Variants in WDR27 observed in about 807,000 individuals in gnomAD.
The protein encoded by WDR27 is WD repeat domain 27, also known as WD repeat-containing protein 27.
Under a neutral mutation model 114.4 loss-of-function variants are expected in WDR27, and 100 were observed. That is an observed-to-expected ratio of 0.87 (90% confidence interval 0.74 to 1.03). The LOEUF (loss-of-function observed/expected upper bound fraction) is 1.03. Ranked by LOEUF, WDR27 falls within the 50% of genes least tolerant of loss-of-function variation. The pLI, the probability that WDR27 is intolerant of heterozygous loss-of-function variation, is 0.00. For missense variants in WDR27, 1,129 were observed against 1,092.9 expected (o/e 1.03, Z -0.47); for synonymous variants, 449 against 423.1 (o/e 1.06, Z -0.75).
At position 169,701,778 on chromosome 6, in the gene WDR27, C is replaced by T. The variant is rs1788144685; in HGVS notation, c.-235G>A. On this transcript the variant is annotated 5_prime_UTR_variant, in exon 1 of 26. Transcript: ENST00000448612. ...GGTCACGGCGGAACCCTCAAATCGC[C>T]CCCTTTCCTAGAGACCTCAGCGGAG... 3.7e-6 allele frequency: 1 copy of T among 269,192 alleles called. No homozygotes were observed. The highest frequency in any genetic ancestry group is 3.2e-5 in the South Asian group (1 of 30,926). The allele number at this position is 269,192 out of a possible 1,614,324, so 16.7% of individuals were successfully genotyped here.
intron 2 of WDR27, among the ~76,000 whole-genome samples, chr6:169,674,602 T>G (rs1779603563): frequency 6.6e-6 from 1 of 152,212 alleles, no homozygotes; most frequent in Admixed American, 6.5e-5. Context: ...TCACGTGACC[T>G]GACATACATG....
At chr6:169,632,104 C>T (rs1400750059) in intron 21 of WDR27, among the ~76,000 whole-genome samples, 1 of 150,504 alleles carries the variant, frequency 6.6e-6, no homozygotes, top group East Asian at 2.0e-4. Flanking sequence ...AGGAGAATCG[C>T]TTGAACCCAG....
At chr6:169,531,656 T>A (rs951118579) in intron 25 of WDR27, among the ~76,000 whole-genome samples, 1 of 3,488 alleles carries the variant, frequency 2.9e-4, no homozygotes, top group African/African-American at 4.0e-3. Context: ...AAACAGTTTG[T>A]TTTTTTTTTT....
the WDR27 span, among the ~76,000 whole-genome samples, chr6:169,438,232 TTTTC>T: frequency 1.8e-5 from 2 of 112,246 alleles, no homozygotes; most frequent in East Asian, 3.1e-4. Context: ...TACTTTTACT[TTTTC>T]TTTTTTTTTT....
At chr6:169,648,175 TCTCA>T (rs749818233) in intron 15 of WDR27, among the ~76,000 whole-genome samples, 11 of 152,186 alleles carry the variant, frequency 7.2e-5, no homozygotes, top group Non-Finnish European at 1.2e-4. Flanking sequence ...GGGTGAGGGT[TCTCA>T]CTAAGAGAAA....
chr6:169,630,843 G>A (rs145019860), intron 21 of WDR27, among the ~76,000 whole-genome samples: 48 of 152,284 alleles, frequency 3.2e-4, no homozygotes, highest in African/African-American at 9.6e-4. Context: ...GCAGTGAGCC[G>A]AGATCATGGC....
At chr6:169,648,018 T>C (rs373580903) in intron 15 of WDR27, 148 bp from the exon 16 acceptor site, 1 of 581,002 alleles carries the variant, frequency 1.7e-6, no homozygotes, top group African/African-American at 1.9e-5. Flanking sequence ...TATGTCTATA[T>C]TTAGACTCTT....
At chr6:169,595,754 T>C (rs1806652351) in intron 23 of WDR27, among the ~76,000 whole-genome samples, 1 of 150,494 alleles carries the variant, frequency 6.6e-6, no homozygotes, top group Non-Finnish European at 1.5e-5. Context: ...TTGCTGAAAC[T>C]TCTTCAATCT....
chr6:169,473,953 G>A (rs1037559502), intron 25 of WDR27, among the ~76,000 whole-genome samples: 1 of 152,254 alleles, frequency 6.6e-6, no homozygotes, highest in African/African-American at 2.4e-5. Context: ...CCCAACTGGG[G>A]CCAGGTGTCA....
rs144025609 is a variant in WDR27, at chr6:169,674,973, G to A, written c.190-2577C>T. Among the ~76,000 whole-genome samples, 7 of 152,316 alleles carry A rather than the reference G, an allele frequency of 4.6e-5. No individual in the cohort carries two copies. The East Asian group carries it at 1.2e-3, about 25-fold the overall frequency. On this transcript the variant is annotated intron_variant, in intron 2 of 25. Transcript: ENST00000448612. ...GCTTTTGAGCCAGGATGAGCCAGGAGAAGGAATTTCACAAGACAATGTCAT... is the reference window on the plus strand; with the variant it reads ...GCTTTTGAGCCAGGATGAGCCAGGAAAAGGAATTTCACAAGACAATGTCAT...
intron 23 of WDR27, among the ~76,000 whole-genome samples, chr6:169,585,975 G>A (rs995210594): frequency 6.6e-6 from 1 of 152,036 alleles, no homozygotes. Context: ...ATTTGCTTTC[G>A]TTTCAGTGCC....
intron 21 of WDR27, among the ~76,000 whole-genome samples, chr6:169,615,596 C>A (rs1445605584): frequency 6.6e-6 from 1 of 152,204 alleles, no homozygotes. Flanking sequence ...AAGGTTGAAA[C>A]TGGACCCCTT....
chr6:169,596,485 TTA>T (rs1423111492), intron 23 of WDR27, among the ~76,000 whole-genome samples: 36 of 152,130 alleles, frequency 2.4e-4, no homozygotes, highest in African/African-American at 7.7e-4. Context: ...TTCTGATGTT[TTA>T]TGTGTTTTCT....
At chr6:169,432,695 CCT>C in the WDR27 span, among the ~76,000 whole-genome samples, 1 of 152,154 alleles carries the variant, frequency 6.6e-6, no homozygotes, top group Non-Finnish European at 1.5e-5. Flanking sequence ...TATAAATTAC[CCT>C]GTCTCAGGTA....
At chr6:169,474,196 A>G (rs1205074869) in intron 25 of WDR27, among the ~76,000 whole-genome samples, 2 of 152,240 alleles carry the variant, frequency 1.3e-5, no homozygotes, top group Non-Finnish European at 2.9e-5. Flanking sequence ...TAACAAAGAA[A>G]TATGGTGTTG....
intron 24 of WDR27, among the ~76,000 whole-genome samples, chr6:169,578,925 C>T (rs114428413): frequency 6.6e-4 from 100 of 152,236 alleles, no homozygotes; most frequent in African/African-American, 2.2e-3. Flanking sequence ...TGGGAGCTGC[C>T]GTAGACGTCA....
chr6:169,602,688 A>C (rs764016652), intron 22 of WDR27, among the ~76,000 whole-genome samples: 5 of 152,142 alleles, frequency 3.3e-5, no homozygotes, highest in Non-Finnish European at 7.3e-5. Context: ...TTGGAGGCAA[A>C]ACATTCTATC....
At chr6:169,482,537 G>GT (rs1267236525) in intron 25 of WDR27, among the ~76,000 whole-genome samples, 4 of 152,160 alleles carry the variant, frequency 2.6e-5, no homozygotes, top group Admixed American at 6.5e-5. Context: ...CACAAAGCAA[G>GT]TTCTTAGAGA....
chr6:169,569,084 G>A (rs1334740629), intron 25 of WDR27, among the ~76,000 whole-genome samples: 2 of 152,164 alleles, frequency 1.3e-5, no homozygotes, highest in Non-Finnish European at 2.9e-5. Context: ...AAGACAGCAG[G>A]AATGCACAGA....
Sources: gnomAD v4.1 joint callset for allele counts (sites outside exome capture counted in the v4.1 genomes callset) on GRCh38, gnomAD v4.1.1 for gene constraint, MANE v1.5 for transcripts, NCBI Gene and HGNC (gene_info 2026-07-23, HGNC 2026-07-21) for gene names.